LRRK1: variants seen among roughly 807,000 people sequenced by gnomAD.
The protein encoded by LRRK1 is leucine-rich repeat serine/threonine-protein kinase 1.
A neutral mutation model predicts 209.1 loss-of-function variants in LRRK1; 113 were observed. The ratio of observed to expected loss-of-function variants is 0.54; its 90% CI spans 0.46 to 0.63. The LOEUF is 0.63. Ranked by LOEUF, LRRK1 falls within the 30% of genes least tolerant of loss-of-function variation. The pLI, the probability that LRRK1 is intolerant of heterozygous loss-of-function variation, is 0.00. For missense variants in LRRK1, 2,284 were observed against 2,632.2 expected (o/e 0.87, Z 2.89); for synonymous variants, 1,144 against 1,099.7 (o/e 1.04, Z -0.80).
At chr15:101,040,748 C>A (rs947755918) in intron 20 of LRRK1, among the ~76,000 whole-genome samples, 1 of 151,988 alleles carries the variant, frequency 6.6e-6, no homozygotes, top group Non-Finnish European at 1.5e-5. Flanking sequence ...TCTAATATAT[C>A]TTATATTATT....
At chr15:100,972,373 TGTGTGTGTGTGTGTG>T (rs1567208314) in intron 2 of LRRK1, among the ~76,000 whole-genome samples, 21 of 139,376 alleles carry the variant, frequency 1.5e-4, no homozygotes, top group African/African-American at 4.7e-4. Flanking sequence ...AGTGTGTGTG[TGTGTGTGTGTGTGTG>T]TGTGTGTGTG....
intron 3 of LRRK1, among the ~76,000 whole-genome samples, chr15:100,977,711 G>T (rs1032553512): frequency 6.6e-6 from 1 of 152,206 alleles, no homozygotes; most frequent in South Asian, 2.1e-4. Flanking sequence ...CAATGAAGGG[G>T]CATCCCTGTT....
rs1031245737 is a variant in LRRK1, at chr15:101,040,531, T to G, written c.2964-5450T>G. On this transcript the variant is annotated intron_variant, in intron 20 of 33. Transcript: ENST00000388948. Reference sequence around the variant, plus strand: ...TCTTTTATTTCATCTATTACTGCTCTTTATTATTGTCTTCCTTCAGCTAAC... The same window carrying G: ...TCTTTTATTTCATCTATTACTGCTCGTTATTATTGTCTTCCTTCAGCTAAC... 3.3e-5 allele frequency among the ~76,000 whole-genome samples: 5 copies of G among 152,326 alleles called. No homozygotes were observed. In the East Asian group the frequency reaches 9.6e-4, roughly 29 times the overall value.
At chr15:100,990,250 A>G (rs1472552947) in intron 6 of LRRK1, among the ~76,000 whole-genome samples, 1 of 152,174 alleles carries the variant, frequency 6.6e-6, no homozygotes, top group East Asian at 1.9e-4. Context: ...GCTTCAACTC[A>G]TTCTTTTAGG....
chr15:101,011,684 C>T (rs991792837), intron 9 of LRRK1, among the ~76,000 whole-genome samples: 29 of 152,158 alleles, frequency 1.9e-4, no homozygotes, highest in Non-Finnish European at 3.8e-4. Context: ...TTTGGCCATT[C>T]GTGTAGGGGA....
At chr15:101,052,671 A>T (rs1301386096) in intron 24 of LRRK1, among the ~76,000 whole-genome samples, 1 of 152,246 alleles carries the variant, frequency 6.6e-6, no homozygotes, top group Non-Finnish European at 1.5e-5. Flanking sequence ...ACCCTGTGCC[A>T]GCCATCACCA....
chr15:101,021,799 T>C (rs1269175271), intron 13 of LRRK1, 46 bp from the exon 14 acceptor site: 3 of 1,122,770 alleles, frequency 2.7e-6, no homozygotes, highest in Non-Finnish European at 2.7e-6. Context: ...TGTGTGTGTG[T>C]GTGTGTGTGT....
At chr15:101,030,601 GA>G (rs1193225217) in intron 20 of LRRK1, among the ~76,000 whole-genome samples, 1 of 152,054 alleles carries the variant, frequency 6.6e-6, no homozygotes, top group Non-Finnish European at 1.5e-5. Context: ...TGTGCTCAGG[GA>G]GTGGCACTCT....
At chr15:100,950,921 G>A (rs1243277783) in intron 2 of LRRK1, among the ~76,000 whole-genome samples, 2 of 152,092 alleles carry the variant, frequency 1.3e-5, no homozygotes, top group Non-Finnish European at 2.9e-5. Context: ...GGCTAACACG[G>A]TGAAACGCCA....
At chr15:100,996,748 T>C (rs2032435814) in intron 6 of LRRK1, among the ~76,000 whole-genome samples, 1 of 152,222 alleles carries the variant, frequency 6.6e-6, no homozygotes. Context: ...AGTCCTGTGT[T>C]CATGTCGTCC....
At position 101,070,300 on chromosome 15, in the gene LRRK1, C is replaced by A. The variant is rs527991861; in HGVS notation, c.*1452C>A. 1 of 148,450 alleles carries A rather than the reference C, an allele frequency of 6.7e-6. No individual in the cohort carries two copies. Among genetic ancestry groups the A allele is most frequent in the East Asian group, 2.0e-4 (1 of 5,096 alleles). 9.2% of individuals were successfully genotyped at this position (148,450 alleles called of 1,614,324 possible). A position where few individuals can be genotyped will look rare whatever the true frequency, so the allele number is the denominator to read the frequency against. ...GTCACAGGCTTGGAAAAAGCGAGTC[C>A]CCCCACTCTTTTTTTTTTTTTTTTT... is the stretch of plus-strand genomic sequence containing the variant. On this transcript the variant is annotated 3_prime_UTR_variant, in exon 34 of 34. Coordinates refer to ENST00000388948, the MANE Select transcript of LRRK1 (RefSeq NM_024652.6).
chr15:101,016,030 C>A (rs1404411567), intron 12 of LRRK1, among the ~76,000 whole-genome samples: 1 of 151,526 alleles, frequency 6.6e-6, no homozygotes, highest in Non-Finnish European at 1.5e-5. Context: ...CGCTCTGTCG[C>A]CCAGGCTGGA....
At chr15:101,021,797 TGTGTGTGTGTG>T (rs2033805010) in intron 13 of LRRK1, 37 bp from the exon 14 acceptor site, 1 of 1,112,738 alleles carries the variant, frequency 9.0e-7, no homozygotes, top group East Asian at 2.4e-5. Context: ...TGTGTGTGTG[TGTGTGTGTGTG>T]TGTGTATTCT....
In LRRK1 at chr15:101,015,390, G is replaced by A. The variant is rs781229505; in HGVS notation, c.1597G>A (p.Gly533Arg). 23 of 1,613,066 alleles carry A rather than the reference G, an allele frequency of 1.4e-5. No homozygotes were observed. The highest frequency in any genetic ancestry group is 1.0e-4 in the Admixed American group (6 of 59,932). The stretch of plus-strand genomic sequence containing the variant: ...CACCACCAGAGGTCGCCAGCGCTCC[G>A]GGACTGAGGCAGGTGTGTGTGGGTT... ...FFTTRGRQRS[G>R]TEAASVLEFP... Residue 533 changes from glycine to arginine, a missense_variant, in exon 12 of 34, where the codon GGG becomes AGG. Gly to Arg is a moderately radical substitution (Grantham distance 125). Around this residue, in one of 6 missense-constraint regions of LRRK1, gnomAD observed 494 missense variants for 522.1 expected, o/e 0.95. Transcript: ENST00000388948.
At position 100,919,989 on chromosome 15, in the gene LRRK1, G is replaced by A. The variant is rs987249182; in HGVS notation, c.-123+538G>A. On this transcript the variant is annotated intron_variant, in intron 1 of 33. Transcript: ENST00000388948. This position sits in a 1 kb window ranked among gnomAD's most constrained non-coding sequence, Gnocchi z 5.8. ...CTGGGGTTGCGGGGCGGCCCAGCGA[G>A]GCTTCACCCTCCTCGATGTCTGGGT... The A allele has an allele frequency of 4.6e-5, 7 of 152,632 alleles. No individual in the cohort carries two copies. The highest frequency in any genetic ancestry group is 1.0e-4 in the Non-Finnish European group (7 of 68,364). The allele number at this position is 152,632 out of a possible 1,614,324, so 9.5% of individuals were successfully genotyped here. A position where few individuals can be genotyped will look rare whatever the true frequency, so the allele number is the denominator to read the frequency against.
intron 2 of LRRK1, among the ~76,000 whole-genome samples, chr15:100,933,821 CAAAAAAAAAAA>C (rs67129854): frequency 4.7e-5 from 2 of 42,864 alleles, no homozygotes; most frequent in African/African-American, 1.8e-4. Flanking sequence ...GACTCCATCT[CAAAAAAAAAAA>C]AAAAAAAAAA....
intron 12 of LRRK1, among the ~76,000 whole-genome samples, chr15:101,017,760 GT>G (rs1400698459): frequency 5.9e-5 from 9 of 152,054 alleles, no homozygotes; most frequent in Non-Finnish European, 1.5e-5. Context: ...TGCCAAAAAG[GT>G]TGGGGACTGT....
chr15:101,033,240 T>A (rs542667334), intron 20 of LRRK1, among the ~76,000 whole-genome samples: 1 of 152,336 alleles, frequency 6.6e-6, no homozygotes, highest in East Asian at 1.9e-4. Context: ...ATTTGGGGTA[T>A]CCATCACTTT....
chr15:100,971,415 A>G (rs1478816524), intron 2 of LRRK1, among the ~76,000 whole-genome samples: 2 of 152,116 alleles, frequency 1.3e-5, no homozygotes, highest in East Asian at 3.8e-4. Flanking sequence ...TCATCCTTTC[A>G]GAGAGGCAGC....
Sources: gnomAD v4.1 joint callset for allele counts (sites outside exome capture counted in the v4.1 genomes callset) on GRCh38, gnomAD v4.1.1 for gene constraint, gnomAD v4.1.1 regional missense constraint, Gnocchi (gnomAD v3.1) non-coding constraint, MANE v1.5 for transcripts, NCBI Gene and HGNC (gene_info 2026-07-23, HGNC 2026-07-21) for gene names.